The following TBC1D4 variants were observed in gnomAD, a reference collection of about 807,000 sequenced individuals.
TBC1D4 encodes TBC1 domain family member 4, also known as TBC (Tre-2, BUB2, CDC16) domain-containing protein.
A neutral mutation model predicts 142.5 loss-of-function variants in TBC1D4; 121 were observed. The ratio of observed to expected loss-of-function variants is 0.85; its 90% CI spans 0.73 to 0.99. TBC1D4 has a LOEUF of 0.99. Among genes scored for constraint, TBC1D4 ranks in the 50% least tolerant of loss-of-function variants. The probability of loss-of-function intolerance (pLI) is 0.00; values close to 1 mark genes in which losing one functional copy is unlikely to be tolerated. For synonymous variants in TBC1D4, 630 were observed against 628.2 expected (o/e 1.00, Z -0.04); for missense variants, 1,475 against 1,606.6 (o/e 0.92, Z 1.40).
intron 1 of TBC1D4, among the ~76,000 whole-genome samples, chr13:75,408,874 G>A (rs1885463859): frequency 6.6e-6 from 1 of 152,020 alleles, no homozygotes; most frequent in Non-Finnish European, 1.5e-5. Flanking sequence ...ACCTTCTTTG[G>A]AAAAATAACC....
At chr13:75,447,506 G>GTGTA (rs1887338743) in intron 1 of TBC1D4, among the ~76,000 whole-genome samples, 1 of 149,456 alleles carries the variant, frequency 6.7e-6, no homozygotes, top group South Asian at 2.1e-4. Context: ...GTGAATGTGT[G>GTGTA]TGTGTGTGTG....
chr13:75,390,923 C>T (rs1446558244), intron 1 of TBC1D4, among the ~76,000 whole-genome samples: 2 of 149,724 alleles, frequency 1.3e-5, no homozygotes, highest in Non-Finnish European at 3.0e-5. Context: ...GATACATATC[C>T]AAAGAGAGCT....
intron 1 of TBC1D4, among the ~76,000 whole-genome samples, chr13:75,434,541 T>C (rs1886716160): frequency 6.6e-6 from 1 of 152,030 alleles, no homozygotes; most frequent in South Asian, 2.1e-4. Flanking sequence ...AACTATTGTA[T>C]TCTGGGCCTA....
chr13:75,307,108 C>A (rs967316135), intron 14 of TBC1D4, among the ~76,000 whole-genome samples: 1 of 152,028 alleles, frequency 6.6e-6, no homozygotes. Flanking sequence ...TACAGGCATG[C>A]GCCACTACAC....
At chr13:75,370,161 G>A (rs1208319993) in intron 1 of TBC1D4, among the ~76,000 whole-genome samples, 2 of 152,172 alleles carry the variant, frequency 1.3e-5, no homozygotes, top group Admixed American at 6.5e-5. Context: ...AGGCCCTGAA[G>A]CACAAATTTT....
intron 9 of TBC1D4, 31 bp downstream of exon 9, chr13:75,327,721 C>G (rs747031615): frequency 6.2e-7 from 1 of 1,609,774 alleles, no homozygotes; most frequent in South Asian, 1.1e-5. Context: ...TGTTAAGTTG[C>G]AATTAGTGTA....
chr13:75,293,074 G>A (rs898060578), intron 18 of TBC1D4, among the ~76,000 whole-genome samples: 11 of 152,168 alleles, frequency 7.2e-5, no homozygotes, highest in African/African-American at 2.4e-4. Flanking sequence ...AGAATCGCTC[G>A]AACCCAGGAG....
chr13:75,309,961 T>C lies in TBC1D4; in HGVS notation c.2574A>G (p.Lys858=). 2 of 1,614,018 alleles carry C rather than the reference T, an allele frequency of 1.2e-6. No homozygotes were observed. The highest frequency in any genetic ancestry group is 1.7e-6 in the Non-Finnish European group (2 of 1,179,982). ...HQQILLLRME[K]ENQKLEASRD... ...GCTAACCTTCAAGTTTCTGGTTTTC[T>C]TTTTCCATTCGAAGTAACAAGATTT... Residue 858 remains lysine, a synonymous_variant, in exon 14 of 21, where the codon AAA becomes AAG. Coordinates refer to ENST00000377636, the MANE Select transcript of TBC1D4 (RefSeq NM_014832.5).
rs749271855 is a variant in TBC1D4, at chr13:75,481,510, G to A, written c.258C>T (p.Leu86=). Residue 86 remains leucine, a synonymous_variant, in exon 1 of 21, where the codon CTC becomes CTT. Coordinates refer to ENST00000377636, the MANE Select transcript of TBC1D4 (RefSeq NM_014832.5). ...APAAREVILV[L]SAPFLRCVPA... is the part of the protein sequence containing the mutation. ...GGACGCAACGCAGGAAGGGCGCGCT[G>A]AGCACCAGGATCACCTCTCGGGCCG... 7 of 1,611,478 alleles carry A rather than the reference G, an allele frequency of 4.3e-6. No homozygotes were observed. The highest frequency in any genetic ancestry group is 1.7e-4 in the Middle Eastern group (1 of 6,042).
intron 1 of TBC1D4, among the ~76,000 whole-genome samples, chr13:75,409,968 T>G (rs572149545): frequency 6.6e-6 from 1 of 152,290 alleles, no homozygotes; most frequent in African/African-American, 2.4e-5. Flanking sequence ...GTAAAGGATT[T>G]CCCCAGCTTT....
chr13:75,430,093 A>T (rs1485810407), intron 1 of TBC1D4, among the ~76,000 whole-genome samples: 1 of 152,240 alleles, frequency 6.6e-6, no homozygotes, highest in Admixed American at 6.5e-5. Context: ...GAACACAGAA[A>T]AAGAAAATTA....
chr13:75,314,922 G>A (rs577889611), intron 12 of TBC1D4, among the ~76,000 whole-genome samples: 124 of 152,236 alleles, frequency 8.1e-4, no homozygotes, highest in African/African-American at 2.8e-3. Flanking sequence ...AGAGGTTGCA[G>A]TGAGCCGAGA....
chr13:75,470,802 A>G (rs1417747825), intron 1 of TBC1D4, among the ~76,000 whole-genome samples: 1 of 152,172 alleles, frequency 6.6e-6, no homozygotes, highest in East Asian at 1.9e-4. Context: ...CCTGGCCAAC[A>G]TAGTGAAACC....
chr13:75,475,384 C>T (rs2138342952), intron 1 of TBC1D4, among the ~76,000 whole-genome samples: 1 of 152,332 alleles, frequency 6.6e-6, no homozygotes, highest in East Asian at 1.9e-4. Context: ...TGGCTTGGTT[C>T]AGACATGCCA....
intron 7 of TBC1D4, among the ~76,000 whole-genome samples, 181 bp from the exon 8 acceptor site, chr13:75,337,221 T>C (rs1389841652): frequency 6.6e-6 from 1 of 152,198 alleles, no homozygotes; most frequent in Non-Finnish European, 1.5e-5. Flanking sequence ...GGGTTTAATT[T>C]TTCATATTGT....
At chr13:75,308,917 ATT>A (rs1420008472) in intron 14 of TBC1D4, among the ~76,000 whole-genome samples, 1 of 152,196 alleles carries the variant, frequency 6.6e-6, no homozygotes, top group Non-Finnish European at 1.5e-5. Context: ...CAAACTATAT[ATT>A]GTTAAAATAA....
At chr13:75,309,904 C>G (rs1482345477) in intron 14 of TBC1D4, 38 bp downstream of exon 14, 1 of 1,605,746 alleles carries the variant, frequency 6.2e-7, no homozygotes, top group East Asian at 2.2e-5. Context: ...ACCCTTCAAT[C>G]ATAGCATCAT....
At chr13:75,318,245 CCAGTCT>C (rs773296734) in intron 12 of TBC1D4, among the ~76,000 whole-genome samples, 3,887 of 152,282 alleles carry the variant, frequency 0.026, 92 homozygotes, top group African/African-American at 0.06. Context: ...TCTGTCAGGA[CCAGTCT>C]TGCAAAGGTG....
chr13:75,328,327 T>A (rs1206453415), intron 8 of TBC1D4, among the ~76,000 whole-genome samples: 1 of 152,216 alleles, frequency 6.6e-6, no homozygotes, highest in African/African-American at 2.4e-5. Flanking sequence ...TATTCCATAA[T>A]GCCAAACTAT....
Sources: allele counts gnomAD v4.1 joint callset (sites outside exome capture counted in the v4.1 genomes callset), GRCh38; gene constraint gnomAD v4.1.1; transcripts MANE v1.5; gene names NCBI Gene and HGNC (gene_info 2026-07-23, HGNC 2026-07-21).